Variants in SEC23B observed in about 807,000 individuals in gnomAD.
SEC23B encodes the protein SEC23 homolog B, COPII component.
SEC23B carries 77 observed loss-of-function variants against 104.3 expected under a neutral mutation model. The ratio of observed to expected loss-of-function variants is 0.74; its 90% CI spans 0.61 to 0.89. The LOEUF is 0.89. Ranked by LOEUF, SEC23B falls within the 40% of genes least tolerant of loss-of-function variation. The probability of loss-of-function intolerance (pLI) is 0.00; values close to 1 mark genes in which losing one functional copy is unlikely to be tolerated. For missense variants in SEC23B, 885 were observed against 949.4 expected (o/e 0.93, Z 0.89); for synonymous variants, 338 against 332.5 (o/e 1.02, Z -0.18).
intron 12 of SEC23B, among the ~76,000 whole-genome samples, chr20:18,542,090 A>C (rs968768079): frequency 6.6e-6 from 1 of 152,240 alleles, no homozygotes; most frequent in Non-Finnish European, 1.5e-5. Context: ...CATTAACTTA[A>C]GTTCAGTATT....
At chr20:18,518,363 T>G (rs2060049492) in intron 4 of SEC23B, among the ~76,000 whole-genome samples, 1 of 152,012 alleles carries the variant, frequency 6.6e-6, no homozygotes, top group Non-Finnish European at 1.5e-5. Flanking sequence ...CAGGGGCAAA[T>G]CCCTGAGCTT....
At chr20:18,535,531 A>G in intron 11 of SEC23B, 122 bp from the exon 12 acceptor site, 2 of 713,086 alleles carry the variant, frequency 2.8e-6, no homozygotes, top group South Asian at 3.2e-5. Flanking sequence ...TTCAACTTAA[A>G]TGTTCTCCTA....
chr20:18,560,894 C>A lies in SEC23B; in HGVS notation c.*154C>A. On this transcript the variant is annotated 3_prime_UTR_variant, in exon 20 of 20. Coordinates refer to ENST00000650089, the MANE Select transcript of SEC23B (RefSeq NM_006363.6). ...CTTTAGATTATAATTTATTTGTATT[C>A]CTGTCTTTGTCCTTTTTCTTGCACT... 1 of 668,982 alleles carries A rather than the reference C, an allele frequency of 1.5e-6. No individual in the cohort carries two copies. The highest frequency in any genetic ancestry group is 2.3e-5 in the Admixed American group (1 of 44,112). 41.4% of individuals were successfully genotyped at this position (668,982 alleles called of 1,614,324 possible).
rs374575844 is a variant in SEC23B, at chr20:18,535,618, G to A, written c.1315-35G>A. On this transcript the variant is annotated intron_variant, in intron 11 of 19. Transcript: ENST00000650089. Reference sequence around the variant, plus strand: ...CAATTAACCACAGGGATGGTTTTCTGGTTTTGTTTTTCAAATTCCTCTTCC... The same window carrying A: ...CAATTAACCACAGGGATGGTTTTCTAGTTTTGTTTTTCAAATTCCTCTTCC... The A allele has an allele frequency of 9.0e-6, 14 of 1,563,790 alleles. No individual in the cohort carries two copies. In the Admixed American group the frequency reaches 2.2e-4, roughly 24 times the overall value.
chr20:18,518,177 G>A (rs917928403), intron 4 of SEC23B, among the ~76,000 whole-genome samples: 16 of 152,116 alleles, frequency 1.1e-4, no homozygotes, highest in Non-Finnish European at 2.1e-4. Flanking sequence ...GTATAGAGGT[G>A]GGAAGGCCAA....
At position 18,532,741 on chromosome 20, in the gene SEC23B, A is replaced by C. The variant is rs2060198327; in HGVS notation, c.1311A>C (p.Glu437Asp). 6.2e-7 allele frequency: 1 copy of C among 1,611,654 alleles called. No homozygotes were observed. Among genetic ancestry groups the C allele is most frequent in the Non-Finnish European group, 8.5e-7 (1 of 1,177,656 alleles). ...SLNVKGPCVS[E>D]NELGVGGTSQ... ...ATGTGAAAGGACCGTGTGTGTCAGA[A>C]AATGTAAGGAAAACAACTCCATCAC... The change falls in exon 11 of 20, where the codon GAA becomes GAC. Residue 437 changes from glutamate to aspartate, a missense_variant. By Grantham distance (45) the Glu-to-Asp change is conservative. Coordinates refer to ENST00000650089, the MANE Select transcript of SEC23B (RefSeq NM_006363.6).
At chr20:18,556,730 GCTCA>G (rs2060442173) in intron 19 of SEC23B, among the ~76,000 whole-genome samples, 1 of 152,190 alleles carries the variant, frequency 6.6e-6, no homozygotes, top group Non-Finnish European at 1.5e-5. Context: ...GGGTGCGGTG[GCTCA>G]CGCCTGTAAT....
intron 1 of SEC23B, chr20:18,508,253 A>G (rs1299505644): frequency 6.6e-6 from 1 of 152,226 alleles, no homozygotes; most frequent in Non-Finnish European, 1.5e-5. Flanking sequence ...AGACTCAGAC[A>G]AGTGAAACGA....
rs2060121142 is a variant in SEC23B at position 18,524,925 on chromosome 20, T to G, written c.604-10T>G. ...TGGAAATGAATCTTTTTGGCTTTTT[T>G]TTTTTTAAGGATATGTTGGGCCTGA... is the stretch of plus-strand genomic sequence containing the variant. On this transcript the variant is annotated splice_polypyrimidine_tract_variant and intron_variant, in intron 5 of 19. Coordinates refer to ENST00000650089, the MANE Select transcript of SEC23B (RefSeq NM_006363.6). The G allele has an allele frequency of 6.2e-7, 1 of 1,613,812 alleles. No homozygotes were observed.
chr20:18,537,342 A>G (rs1335684955), intron 12 of SEC23B, among the ~76,000 whole-genome samples: 2 of 152,068 alleles, frequency 1.3e-5, no homozygotes, highest in Non-Finnish European at 2.9e-5. Flanking sequence ...AACCAACCCA[A>G]ATGTCCAACA....
In SEC23B at chr20:18,560,114, A is replaced by G. The variant is rs1029779382; in HGVS notation, c.2215-537A>G. Among the ~76,000 whole-genome samples the G allele has an allele frequency of 6.6e-5, 10 of 151,980 alleles. 1 individual carries two copies. The highest frequency in any genetic ancestry group is 5.9e-4 in the Admixed American group (9 of 15,242). ...TGTATTATTGTGTGTGTGTGTATAT[A>G]TATATATATTTTTAATTTCTTTACA... On this transcript the variant is annotated intron_variant, in intron 19 of 19. Transcript: ENST00000650089.
At chr20:18,558,952 C>T (rs183196820) in intron 19 of SEC23B, among the ~76,000 whole-genome samples, 2 of 151,916 alleles carry the variant, frequency 1.3e-5, no homozygotes, top group East Asian at 3.9e-4. Context: ...TTGGTAATCA[C>T]TTTGTGTAAG....
At chr20:18,551,056 A>C in intron 16 of SEC23B, 33 bp from the exon 17 acceptor site, 1 of 1,387,408 alleles carries the variant, frequency 7.2e-7, no homozygotes, top group Non-Finnish European at 1.0e-6. Context: ...AGCAGGGAAG[A>C]CCAATGCCAT....
intron 7 of SEC23B, among the ~76,000 whole-genome samples, chr20:18,526,169 G>A (rs930748527): frequency 7.2e-5 from 11 of 152,172 alleles, no homozygotes; most frequent in African/African-American, 1.7e-4. Flanking sequence ...CTCAAACAGC[G>A]AATTAATAAA....
rs918916201 is a variant in SEC23B, at chr20:18,534,381, C to T, written c.1315-1272C>T. ...CCAACTGGCATTGCATTTGATATTA[C>T]AGCCTTTGTAAAGTGAGAGTCTGGG... is the stretch of plus-strand genomic sequence containing the variant. On this transcript the variant is annotated intron_variant, in intron 11 of 19. Coordinates refer to ENST00000650089, the MANE Select transcript of SEC23B (RefSeq NM_006363.6). 8.5e-5 allele frequency among the ~76,000 whole-genome samples: 13 copies of T among 152,310 alleles called. No individual in the cohort carries two copies. The South Asian group carries it at 1.5e-3, about 17-fold the overall frequency.
intron 19 of SEC23B, among the ~76,000 whole-genome samples, chr20:18,558,603 G>A (rs1266275540): frequency 6.6e-6 from 1 of 151,888 alleles, no homozygotes; most frequent in South Asian, 2.1e-4. Flanking sequence ...TCTTTCTTTT[G>A]TTCATTTGGG....
chr20:18,556,718 C>G (rs1443746667), intron 19 of SEC23B, among the ~76,000 whole-genome samples: 1 of 152,180 alleles, frequency 6.6e-6, no homozygotes, highest in Non-Finnish European at 1.5e-5. Flanking sequence ...AAACTCTTGG[C>G]TGGGTGCGGT....
At chr20:18,554,473 A>T in intron 18 of SEC23B, 83 bp downstream of exon 18, 1 of 1,494,856 alleles carries the variant, frequency 6.7e-7, no homozygotes, top group South Asian at 1.1e-5. Context: ...AGGATGGTTA[A>T]TATTTTATGT....
chr20:18,542,516 G>T, intron 13 of SEC23B, 114 bp downstream of exon 13: 1 of 1,052,566 alleles, frequency 9.5e-7, no homozygotes, highest in South Asian at 1.3e-5. Flanking sequence ...GTTCTCACCA[G>T]ACCTCATTAG....
Sources: allele counts gnomAD v4.1 joint callset (sites outside exome capture counted in the v4.1 genomes callset), GRCh38; gene constraint gnomAD v4.1.1; transcripts MANE v1.5; gene names NCBI Gene and HGNC (gene_info 2026-07-23, HGNC 2026-07-21).